ANKS1B: variants seen among roughly 807,000 people sequenced by gnomAD.
ANKS1B encodes the protein ankyrin repeat and sterile alpha motif domain-containing protein 1B.
In ANKS1B, 36 loss-of-function variants were observed where a neutral mutation model predicts 148.3. The observed-to-expected ratio is 0.24, with a 90% CI of 0.19 to 0.32. The LOEUF is 0.32. Ranked by LOEUF, ANKS1B falls within the 10% of genes least tolerant of loss-of-function variation. ANKS1B has a pLI of 1.00. For missense variants in ANKS1B, 1,157 were observed against 1,542.6 expected (o/e 0.75, Z 4.19); for synonymous variants, 542 against 560.8 (o/e 0.97, Z 0.47).
intron 17 of ANKS1B, among the ~76,000 whole-genome samples, chr12:98,881,233 CAGTCCAT>C (rs2152509745): frequency 1.3e-5 from 2 of 152,264 alleles, no homozygotes; most frequent in East Asian, 3.9e-4. Flanking sequence ...CTCAGTCCTT[CAGTCCAT>C]AGTCAATAAA....
chr12:99,307,266 G>A (rs2082483195), intron 12 of ANKS1B, among the ~76,000 whole-genome samples: 1 of 151,922 alleles, frequency 6.6e-6, no homozygotes, highest in African/African-American at 2.4e-5. Flanking sequence ...TTTTCAGGGA[G>A]GAAAATCCAG....
Position 99,040,276 on chromosome 12 carries a change from G to A in ANKS1B, c.2778+12881C>T, listed in dbSNP as rs556487178. 1.2e-4 allele frequency among the ~76,000 whole-genome samples: 16 copies of A among 137,034 alleles called. No homozygotes were observed. In the East Asian group the frequency reaches 1.8e-3, roughly 16 times the overall value. The allele number at this position is 137,034 out of a possible 152,430, so 89.9% of individuals were successfully genotyped here. A position where few individuals can be genotyped will look rare whatever the true frequency, so the allele number is the denominator to read the frequency against. ...TTTCTCTCTCTCTATGTGCGTGTGC[G>A]TGTGTGTGTGTGTGTGTGTGTATAG... On this transcript the variant is annotated intron_variant, in intron 17 of 26. Transcript: ENST00000683438.
chr12:99,143,564 A>G (rs1371794636), intron 15 of ANKS1B, among the ~76,000 whole-genome samples: 1 of 152,100 alleles, frequency 6.6e-6, no homozygotes, highest in Non-Finnish European at 1.5e-5. Flanking sequence ...ATTACACCAC[A>G]GAAAAAACTA....
At chr12:99,743,701 T>A (rs2060327539) in intron 8 of ANKS1B, among the ~76,000 whole-genome samples, 1 of 152,138 alleles carries the variant, frequency 6.6e-6, no homozygotes, top group African/African-American at 2.4e-5. Flanking sequence ...CCATAAAAAA[T>A]TATGAACTAA....
chr12:99,433,703 G>A (rs2095415487), intron 11 of ANKS1B, among the ~76,000 whole-genome samples: 1 of 152,120 alleles, frequency 6.6e-6, no homozygotes, highest in Admixed American at 6.5e-5. Flanking sequence ...TGGAGTTCAG[G>A]GAAGTGGGCA....
Position 98,871,477 on chromosome 12 carries a change from C to T in ANKS1B, c.2779-39341G>A, listed in dbSNP as rs765890333. ...AACAAAAGCTCAGAAAAATTAGATA[C>T]CTTGCACAAATCACAAAGAAATCAG... On this transcript the variant is annotated intron_variant, in intron 17 of 26. Transcript: ENST00000683438. Among the ~76,000 whole-genome samples the T allele has an allele frequency of 6.6e-5, 10 of 152,192 alleles. No homozygotes were observed. The South Asian group carries it at 1.5e-3, about 22-fold the overall frequency.
In ANKS1B at chr12:99,082,353, C is replaced by T. The variant is rs562444871; in HGVS notation, c.2625+2572G>A. 2.6e-5 allele frequency among the ~76,000 whole-genome samples: 4 copies of T among 152,250 alleles called. No individual in the cohort carries two copies. The East Asian group carries it at 5.8e-4, about 22-fold the overall frequency. On this transcript the variant is annotated intron_variant, in intron 16 of 26. Transcript: ENST00000683438. ...CATGAAGGCCCCTGTGAAGATGTCA[C>T]ATTCGAATAGAGATTTGACAATGTA... is the stretch of plus-strand genomic sequence containing the variant.
At position 99,288,256 on chromosome 12, in the gene ANKS1B, G is replaced by A. The variant is rs148384517; in HGVS notation, c.1757-41392C>T. 9.6e-3 allele frequency among the ~76,000 whole-genome samples: 1,442 copies of A among 149,870 alleles called. 24 individuals are homozygous for A. The highest frequency in any genetic ancestry group is 0.033 in the African/African-American group (1,356 of 40,836). On this transcript the variant is annotated intron_variant, in intron 12 of 26. Coordinates refer to ENST00000683438, the MANE Select transcript of ANKS1B (RefSeq NM_001352186.2). ...GAAGCCTTCCAGGCCAGGAGAGAGC[G>A]GCATGATATATTTAAAAGGATGACT...
chr12:99,463,354 A>G (rs1296695170), intron 10 of ANKS1B, among the ~76,000 whole-genome samples: 1 of 152,196 alleles, frequency 6.6e-6, no homozygotes, highest in African/African-American at 2.4e-5. Context: ...AGCTCCCAGC[A>G]TGAGTGACGC....
At chr12:98,817,745 C>T (rs181572145) in intron 19 of ANKS1B, among the ~76,000 whole-genome samples, 308 of 152,324 alleles carry the variant, frequency 2.0e-3, no homozygotes, top group Non-Finnish European at 3.9e-3. Flanking sequence ...TAAAAGGTCT[C>T]AGCTGAACTA....
chr12:99,260,241 A>G (rs2075780261), intron 12 of ANKS1B, among the ~76,000 whole-genome samples: 1 of 152,228 alleles, frequency 6.6e-6, no homozygotes. Flanking sequence ...TTTAAATAAA[A>G]AAGAAAGTGA....
intron 17 of ANKS1B, among the ~76,000 whole-genome samples, chr12:98,996,754 A>G (rs1262703411): frequency 7.2e-6 from 1 of 137,978 alleles, no homozygotes; most frequent in Non-Finnish European, 1.5e-5. Context: ...CGGAGCTTGC[A>G]GTGAGCCAAG....
At chr12:99,078,925 C>T (rs2048745327) in intron 16 of ANKS1B, among the ~76,000 whole-genome samples, 1 of 152,188 alleles carries the variant, frequency 6.6e-6, no homozygotes, top group Non-Finnish European at 1.5e-5. Flanking sequence ...CTTGCTAGCA[C>T]TTTCTTGTCT....
At chr12:99,137,358 A>G (rs2068483842) in intron 15 of ANKS1B, among the ~76,000 whole-genome samples, 1 of 152,118 alleles carries the variant, frequency 6.6e-6, no homozygotes, top group East Asian at 1.9e-4. Context: ...GGGGCCAACG[A>G]TTACCCAGTC....
chr12:99,608,984 G>A (rs191311556), intron 9 of ANKS1B, among the ~76,000 whole-genome samples: 2 of 152,050 alleles, frequency 1.3e-5, no homozygotes, highest in African/African-American at 4.8e-5. Context: ...AGTCAATCTG[G>A]GGAGATCTTA....
chr12:99,497,285 T>C (rs1458145178), intron 10 of ANKS1B, among the ~76,000 whole-genome samples: 1 of 152,226 alleles, frequency 6.6e-6, no homozygotes, highest in Admixed American at 6.5e-5. Context: ...AGTCTGTACA[T>C]GTTCAGCACA....
chr12:99,865,905 T>C (rs2090680259), intron 1 of ANKS1B, among the ~76,000 whole-genome samples: 1 of 152,132 alleles, frequency 6.6e-6, no homozygotes, highest in African/African-American at 2.4e-5. Flanking sequence ...TCCTCTCTAT[T>C]GTATCCAGTC....
At chr12:99,462,613 C>G (rs923693457) in intron 10 of ANKS1B, among the ~76,000 whole-genome samples, 1 of 152,212 alleles carries the variant, frequency 6.6e-6, no homozygotes, top group Admixed American at 6.5e-5. Flanking sequence ...GTACTAATGA[C>G]TGAGACAGAA....
At chr12:99,414,536 A>G (rs2152687226) in intron 11 of ANKS1B, among the ~76,000 whole-genome samples, 1 of 152,240 alleles carries the variant, frequency 6.6e-6, no homozygotes, top group Admixed American at 6.5e-5. Flanking sequence ...TTGCAGGGAC[A>G]TGGATGAAGC....
Sources: gnomAD v4.1 joint callset for allele counts (sites outside exome capture counted in the v4.1 genomes callset) on GRCh38, gnomAD v4.1.1 for gene constraint, MANE v1.5 for transcripts, NCBI Gene and HGNC (gene_info 2026-07-23, HGNC 2026-07-21) for gene names.